The following UNC5C variants were observed in gnomAD, a reference collection of about 807,000 sequenced individuals.
The protein encoded by UNC5C is netrin receptor UNC5C.
In UNC5C, 47 loss-of-function variants were observed where a neutral mutation model predicts 99.8. That is an observed-to-expected ratio of 0.47 (90% CI 0.37 to 0.60). The LOEUF is 0.60. Among genes scored for constraint, UNC5C ranks in the 20% least tolerant of loss-of-function variants. UNC5C has a pLI of 0.00. For synonymous variants in UNC5C, 487 were observed against 452.2 expected (o/e 1.08, Z -0.98); for missense variants, 1,062 against 1,165.9 (o/e 0.91, Z 1.30).
intron 2 of UNC5C, among the ~76,000 whole-genome samples, chr4:95,321,453 A>C (rs2149413265): frequency 6.6e-6 from 1 of 152,302 alleles, no homozygotes; most frequent in Admixed American, 6.5e-5. Flanking sequence ...CATCTGCGTG[A>C]TATAATAGAA....
chr4:95,543,768 G>A (rs1419569486), intron 1 of UNC5C, among the ~76,000 whole-genome samples: 1 of 152,116 alleles, frequency 6.6e-6, no homozygotes, highest in Non-Finnish European at 1.5e-5. Context: ...CTTCTTGCAA[G>A]GACTTAACTG....
intron 1 of UNC5C, among the ~76,000 whole-genome samples, chr4:95,430,170 A>G (rs763043458): frequency 3.9e-5 from 6 of 152,110 alleles, no homozygotes; most frequent in Non-Finnish European, 8.8e-5. Context: ...CTGGTCGATA[A>G]TGATGTGTCA....
intron 1 of UNC5C, among the ~76,000 whole-genome samples, chr4:95,432,937 T>C (rs1746672619): frequency 6.6e-6 from 1 of 152,164 alleles, no homozygotes; most frequent in Admixed American, 6.6e-5. Context: ...TCTAAACTAC[T>C]GAATACACTG....
At chr4:95,192,164 T>TC (rs1737147888) in intron 12 of UNC5C, among the ~76,000 whole-genome samples, 1 of 111,058 alleles carries the variant, frequency 9.0e-6, no homozygotes, top group East Asian at 3.4e-4. Context: ...GCTCACCTTC[T>TC]TCCCCTGCTC....
At chr4:95,295,036 CT>C (rs1031192758) in intron 3 of UNC5C, among the ~76,000 whole-genome samples, 2 of 152,194 alleles carry the variant, frequency 1.3e-5, no homozygotes, top group Non-Finnish European at 2.9e-5. Context: ...TCCTATGCTG[CT>C]TTTTCCATCA....
chr4:95,457,033 T>C (rs983027634), intron 1 of UNC5C, among the ~76,000 whole-genome samples: 4 of 152,262 alleles, frequency 2.6e-5, no homozygotes, highest in Non-Finnish European at 4.4e-5. Context: ...TACTCTTAAG[T>C]GAATCAACTG....
chr4:95,308,087 A>G (rs1362288612), intron 2 of UNC5C, among the ~76,000 whole-genome samples: 2 of 152,194 alleles, frequency 1.3e-5, no homozygotes, highest in Non-Finnish European at 2.9e-5. Context: ...TGCCATTTCT[A>G]TTCAACATAG....
At chr4:95,391,539 T>A (rs1161700024) in intron 1 of UNC5C, among the ~76,000 whole-genome samples, 1 of 152,192 alleles carries the variant, frequency 6.6e-6, no homozygotes, top group Non-Finnish European at 1.5e-5. Flanking sequence ...ATCAGATATC[T>A]GTCATTTCTT....
chr4:95,306,237 C>T (rs1742057485), intron 2 of UNC5C, among the ~76,000 whole-genome samples: 1 of 152,040 alleles, frequency 6.6e-6, no homozygotes, highest in Non-Finnish European at 1.5e-5. Context: ...GAGTCTTGCT[C>T]TGTCACCCAG....
At chr4:95,238,073 T>C (rs945296792) in intron 7 of UNC5C, among the ~76,000 whole-genome samples, 2 of 152,074 alleles carry the variant, frequency 1.3e-5, no homozygotes, top group African/African-American at 4.8e-5. Context: ...CATACCTACA[T>C]ACTCAACAAT....
intron 3 of UNC5C, among the ~76,000 whole-genome samples, chr4:95,283,285 A>G (rs1047826514): frequency 6.6e-6 from 1 of 152,250 alleles, no homozygotes; most frequent in African/African-American, 2.4e-5. Context: ...TAACTAAACC[A>G]TCACTGAATA....
intron 2 of UNC5C, among the ~76,000 whole-genome samples, chr4:95,307,842 T>A (rs1742116621): frequency 6.6e-6 from 1 of 152,068 alleles, no homozygotes; most frequent in African/African-American, 2.4e-5. Context: ...ATGTAATACA[T>A]CACATCAACA....
At chr4:95,334,422 C>T (rs537411248) in intron 2 of UNC5C, among the ~76,000 whole-genome samples, 2 of 151,966 alleles carry the variant, frequency 1.3e-5, no homozygotes, top group East Asian at 1.9e-4. Flanking sequence ...GCTTGATATT[C>T]TTTGGCTTGA....
At chr4:95,200,056 A>C (rs1298647810) in intron 12 of UNC5C, among the ~76,000 whole-genome samples, 1 of 152,134 alleles carries the variant, frequency 6.6e-6, no homozygotes, top group East Asian at 1.9e-4. Context: ...GGTCAAATCT[A>C]CCATGGTGAA....
chr4:95,300,430 G>A (rs1280798340), intron 3 of UNC5C, among the ~76,000 whole-genome samples: 2 of 152,180 alleles, frequency 1.3e-5, no homozygotes, highest in African/African-American at 4.8e-5. Context: ...TCCTGAACAT[G>A]TATGCTCTAG....
At chr4:95,412,266 G>A (rs1265811335) in intron 1 of UNC5C, among the ~76,000 whole-genome samples, 3 of 151,928 alleles carry the variant, frequency 2.0e-5, no homozygotes, top group East Asian at 1.9e-4. Flanking sequence ...TCTTCACCAC[G>A]TTAATATCGC....
Position 95,250,537 on chromosome 4 carries a change from T to C in UNC5C, c.725A>G (p.Lys242Arg). The C allele has an allele frequency of 1.9e-6, 3 of 1,614,032 alleles. No individual in the cohort carries two copies. The highest frequency in any genetic ancestry group is 2.5e-6 in the Non-Finnish European group (3 of 1,179,962). ...ACTTTTCCTCTTGGCAACAATGTTT[T>C]TGGCAACACAGGTGTAATTTGCAGT... is the stretch of plus-strand genomic sequence containing the variant. ...SDTANYTCVA[K>R]NIVAKRKSTT... The change falls in exon 5 of 16, where the codon AAA (lysine) becomes AGA (arginine). Residue 242 changes from lysine (K) to arginine (R), a missense_variant. Physicochemically the swap from Lys to Arg is conservative, Grantham distance 26 (BLOSUM62 2). Coordinates refer to ENST00000453304, the MANE Select transcript of UNC5C (RefSeq NM_003728.4).
chr4:95,353,496 T>C (rs1744061374), intron 1 of UNC5C, among the ~76,000 whole-genome samples: 2 of 151,982 alleles, frequency 1.3e-5, no homozygotes, highest in African/African-American at 4.8e-5. Context: ...CTTCAAGAAA[T>C]TTTCAACACT....
chr4:95,310,203 G>C (rs770370846), intron 2 of UNC5C, among the ~76,000 whole-genome samples: 2 of 152,116 alleles, frequency 1.3e-5, no homozygotes, highest in African/African-American at 2.4e-5. Context: ...GACAAATACT[G>C]CATGATCACA....
Sources: gnomAD v4.1 joint callset for allele counts (sites outside exome capture counted in the v4.1 genomes callset) on GRCh38, gnomAD v4.1.1 for gene constraint, MANE v1.5 for transcripts, NCBI Gene and HGNC (gene_info 2026-07-23, HGNC 2026-07-21) for gene names.